The following DSP variants were observed in gnomAD, a reference collection of about 807,000 sequenced individuals.
DSP encodes the protein desmoplakin.
A neutral mutation model predicts 290.6 loss-of-function variants in DSP; 114 were observed. The ratio of observed to expected loss-of-function variants is 0.39; its 90% CI spans 0.34 to 0.46. The LOEUF (loss-of-function observed/expected upper bound fraction) is 0.46, where lower values mean the gene tolerates loss of function less well. DSP is among the 20% of genes least tolerant of loss of function. The pLI is 0.99. For synonymous variants in DSP, 1,311 were observed against 1,316.4 expected, an observed-to-expected ratio of 1.00 and a Z score of 0.09; for missense variants, 3,230 against 3,495.8, an observed-to-expected ratio of 0.92 and a Z score of 1.92.
In DSP at chr6:7,586,125, G is replaced by C; in HGVS notation, c.*247G>C. ...GAAGTGCTAATCAGTTGTAACAATA[G>C]CACAAATCGAACTTAGGATTTGTTT... On this transcript the variant is annotated 3_prime_UTR_variant, in exon 24 of 24. Coordinates refer to ENST00000379802, the MANE Select transcript of DSP (RefSeq NM_004415.4). The C allele has an allele frequency of 2.4e-6, 1 of 423,338 alleles. No individual in the cohort carries two copies. The highest frequency in any genetic ancestry group is 4.2e-6 in the Non-Finnish European group (1 of 239,416). The allele number at this position is 423,338 out of a possible 1,614,324, so 26.2% of individuals were successfully genotyped here.
Position 7,549,976 on chromosome 6 carries a change from TG to T in DSP, c.171-5741del, listed in dbSNP as rs113092897. ...ATGTCCCTCTTTGAAATATTTGTCT[TG>T]TTTTTTTGTGTTTTTTCTTTATCTT... On this transcript the variant is annotated intron_variant, in intron 1 of 23. Coordinates refer to ENST00000379802, the MANE Select transcript of DSP (RefSeq NM_004415.4). Among the ~76,000 whole-genome samples the T allele has an allele frequency of 6.0e-3, 914 of 152,204 alleles. 11 individuals are homozygous for T. The highest frequency in any genetic ancestry group is 0.019 in the African/African-American group (805 of 41,556).
rs1045706770 is a variant in DSP at position 7,565,877 on chromosome 6, T to C, written c.939+357T>C. 8.0e-6 allele frequency: 3 copies of C among 373,910 alleles called. No homozygotes were observed. Among genetic ancestry groups the C allele is most frequent in the Non-Finnish European group, 1.0e-5 (2 of 196,224 alleles). 23.2% of individuals were successfully genotyped at this position (373,910 alleles called of 1,614,324 possible). On this transcript the variant is annotated intron_variant, in intron 7 of 23. Transcript: ENST00000379802. The surrounding 1 kb of genome is among the most constrained non-coding windows in gnomAD (Gnocchi z 4.2). The stretch of plus-strand genomic sequence containing the variant: ...AGGATCAGGCAAGATAACTAATGGG[T>C]ACTAGGCTTAATCGTGGGTGATGAA...
intron 1 of DSP, among the ~76,000 whole-genome samples, chr6:7,551,317 A>G (rs1197177715): frequency 6.6e-6 from 1 of 152,172 alleles, no homozygotes; most frequent in Non-Finnish European, 1.5e-5. Context: ...GGTTTGAATT[A>G]CAGCTTTTAA....
At chr6:7,556,937 T>C (rs191131422) in intron 2 of DSP, among the ~76,000 whole-genome samples, 6 of 152,332 alleles carry the variant, frequency 3.9e-5, no homozygotes, top group African/African-American at 1.4e-4. Context: ...TCATTTGTAG[T>C]GACTATGGAT....
intron 1 of DSP, among the ~76,000 whole-genome samples, chr6:7,545,635 C>T (rs890432044): frequency 6.7e-6 from 1 of 148,922 alleles, no homozygotes; most frequent in African/African-American, 2.5e-5. Flanking sequence ...AGTGTAGGCC[C>T]TTCCAAGGAA....
Position 7,579,709 on chromosome 6 carries a change from G to A in DSP, c.3519G>A (p.Arg1173=). The change falls in exon 23 of 24, where the codon AGG becomes AGA. Residue 1173 remains arginine, a synonymous_variant. Transcript: ENST00000379802. This position sits in a 1 kb window ranked among gnomAD's most constrained non-coding sequence, Gnocchi z 4.1. ...AGGAGAAGGAGTACGAGATTGAAAG[G>A]TTGAGGGTTCTACTGCAGGAAGAAG... The part of the protein sequence containing the change: ...AIKEKEYEIE[R]LRVLLQEEGT... The A allele has an allele frequency of 6.2e-7, 1 of 1,613,730 alleles. No homozygotes were observed. Among genetic ancestry groups the A allele is most frequent in the Non-Finnish European group, 8.5e-7 (1 of 1,179,796 alleles).
intron 1 of DSP, among the ~76,000 whole-genome samples, chr6:7,542,939 G>A (rs1194607825): frequency 6.6e-6 from 1 of 152,100 alleles, no homozygotes; most frequent in African/African-American, 2.4e-5. Context: ...GGGCAGGGGA[G>A]TGGGGGGGTG....
intron 1 of DSP, among the ~76,000 whole-genome samples, chr6:7,543,931 G>A (rs572864473): frequency 4.6e-5 from 7 of 152,274 alleles, no homozygotes; most frequent in African/African-American, 1.7e-4. Flanking sequence ...ATTTTGGGCA[G>A]GCTCCATGTT....
At position 7,580,573 on chromosome 6, in the gene DSP, G is replaced by A. The variant is rs140029036; in HGVS notation, c.4383G>A (p.Glu1461=). The part of the protein sequence containing the change: ...LRQVTQMRTE[E]SVRYKQSLDD... ...AAGTCACTCAGATGCGAACAGAGGA[G>A]AGCGTAAGATATAAGCAATCTCTTG... Residue 1461 remains glutamate (E), a synonymous_variant, in exon 23 of 24, where the codon GAG becomes GAA. Coordinates refer to ENST00000379802, the MANE Select transcript of DSP (RefSeq NM_004415.4). This position sits in a 1 kb window ranked among gnomAD's most constrained non-coding sequence, Gnocchi z 4.2. 2.6e-3 allele frequency: 4,246 copies of A among 1,614,138 alleles called. 9 individuals are homozygous for A. The highest frequency in any genetic ancestry group is 3.3e-3 in the Non-Finnish European group (3,889 of 1,180,040).
rs747582734 is a variant in DSP, at chr6:7,580,860, C to T, written c.4670C>T (p.Thr1557Met). The T allele has an allele frequency of 1.1e-5, 17 of 1,614,008 alleles. No homozygotes were observed. The highest frequency in any genetic ancestry group is 1.6e-4 in the Middle Eastern group (1 of 6,084). ...AGGACTGTGAAGGACCAGGATATCACGCGGTTCCAGAACTCTCTGAAAGAG... is the reference window on the plus strand; with the variant it reads ...AGGACTGTGAAGGACCAGGATATCATGCGGTTCCAGAACTCTCTGAAAGAG... ...QERTVKDQDI[T>M]RFQNSLKELQ... Residue 1557 changes from threonine to methionine, a missense_variant, in exon 23 of 24, where the codon ACG (threonine) becomes ATG (methionine). Transcript: ENST00000379802. The surrounding 1 kb of genome is among the most constrained non-coding windows in gnomAD (Gnocchi z 4.2).
Position 7,565,854 on chromosome 6 carries a change from G to T in DSP, c.939+334G>T, listed in dbSNP as rs894106933. The T allele has an allele frequency of 4.8e-5, 19 of 394,996 alleles. No homozygotes were observed. The highest frequency in any genetic ancestry group is 7.7e-5 in the Non-Finnish European group (16 of 208,118). 24.5% of individuals were successfully genotyped at this position (394,996 alleles called of 1,614,324 possible). On this transcript the variant is annotated intron_variant, in intron 7 of 23. Coordinates refer to ENST00000379802, the MANE Select transcript of DSP (RefSeq NM_004415.4). The surrounding 1 kb of genome is among the most constrained non-coding windows in gnomAD (Gnocchi z 4.2). ...AGGGTGGAGGTGGAAGGAGGGAGAG[G>T]ATCAGGCAAGATAACTAATGGGTAC...
chr6:7,580,667 G>T lies in DSP; in HGVS notation c.4477G>T (p.Glu1493Ter). 1 of 1,614,018 alleles carries T rather than the reference G, an allele frequency of 6.2e-7. No individual in the cohort carries two copies. Among genetic ancestry groups the T allele is most frequent in the Non-Finnish European group, 8.5e-7 (1 of 1,180,018 alleles). ...AAGGTTAAAACAACTGATCGACAAA[G>T]AAACAAATGACCGGAAATGCCTGGA... ...IERLKQLIDK[E>*]TNDRKCLEDE... The change falls in exon 23 of 24, where the codon GAA (glutamate) becomes TAA (stop). Residue 1493 changes from glutamate (E) to a stop codon, truncating the protein, a stop_gained. Coordinates refer to ENST00000379802, the MANE Select transcript of DSP (RefSeq NM_004415.4). LOFTEE classifies it high-confidence loss of function. This position sits in a 1 kb window ranked among gnomAD's most constrained non-coding sequence, Gnocchi z 4.2.
intron 1 of DSP, 82 bp downstream of exon 1, chr6:7,542,167 C>G: frequency 1.3e-6 from 2 of 1,515,936 alleles, no homozygotes; most frequent in Non-Finnish European, 1.8e-6. Flanking sequence ...CTGGGAGACT[C>G]GGGTCCCGAA....
chr6:7,585,289 C>G lies in DSP; in HGVS notation c.8027C>G (p.Ser2676Cys). 6.2e-7 allele frequency: 1 copy of G among 1,614,140 alleles called. No individual in the cohort carries two copies. The highest frequency in any genetic ancestry group is 1.3e-5 in the African/African-American group (1 of 75,020). ...GQKLSLQDAV[S>C]QGVIDQDMAT... ...AAGCTGTCACTTCAGGACGCAGTCT[C>G]CCAGGGTGTGATTGACCAAGACATG... Residue 2676 changes from serine (S) to cysteine (C), a missense_variant, in exon 24 of 24, where the codon TCC (serine) becomes TGC (cysteine). This residue lies in a region of DSP where 582 missense variants were observed against 555.4 expected (regional missense o/e 1.05). Coordinates refer to ENST00000379802, the MANE Select transcript of DSP (RefSeq NM_004415.4).
chr6:7,571,129 T>C (rs1053452628), intron 13 of DSP, among the ~76,000 whole-genome samples: 23 of 151,762 alleles, frequency 1.5e-4, no homozygotes, highest in Admixed American at 1.0e-3. Flanking sequence ...CTGCTTTACA[T>C]TTAGGGCTTC....
chr6:7,570,706 G>A lies in DSP; in HGVS notation c.1701+143G>A. 3 of 1,157,696 alleles carry A rather than the reference G, an allele frequency of 2.6e-6. No individual in the cohort carries two copies. The South Asian group carries it at 4.2e-5, about 16-fold the overall frequency. The allele number at this position is 1,157,696 out of a possible 1,614,324, so 71.7% of individuals were successfully genotyped here. A position where few individuals can be genotyped will look rare whatever the true frequency, so the allele number is the denominator to read the frequency against. On this transcript the variant is annotated intron_variant, in intron 13 of 23. Transcript: ENST00000379802. ...CAAGTCAGCTCAGCCCTCCTTAGAG[G>A]TTCTGGTCTGTCCAATAGAGAACAG...
rs910514730 is a variant in DSP, at chr6:7,565,714, T to C, written c.939+194T>C. 4 of 667,792 alleles carry C rather than the reference T, an allele frequency of 6.0e-6. No individual in the cohort carries two copies. The highest frequency in any genetic ancestry group is 7.6e-6 in the Non-Finnish European group (3 of 397,112). 41.4% of individuals were successfully genotyped at this position (667,792 alleles called of 1,614,324 possible). The stretch of plus-strand genomic sequence containing the variant: ...GAGGCCATTATCCTTAGCAAACTTA[T>C]GCGGGAACAGAAAACCAAATACCAC... On this transcript the variant is annotated intron_variant, in intron 7 of 23. Transcript: ENST00000379802. This position sits in a 1 kb window ranked among gnomAD's most constrained non-coding sequence, Gnocchi z 4.2.
Position 7,565,872 on chromosome 6 carries a change from A to C in DSP, c.939+352A>C. 2.6e-6 allele frequency: 1 copy of C among 384,926 alleles called. No homozygotes were observed. Among genetic ancestry groups the C allele is most frequent in the Non-Finnish European group, 5.0e-6 (1 of 201,536 alleles). 23.8% of individuals were successfully genotyped at this position (384,926 alleles called of 1,614,324 possible). A position where few individuals can be genotyped will look rare whatever the true frequency, so the allele number is the denominator to read the frequency against. ...GGGAGAGGATCAGGCAAGATAACTAATGGGTACTAGGCTTAATCGTGGGTG... is the reference window on the plus strand; with the variant it reads ...GGGAGAGGATCAGGCAAGATAACTACTGGGTACTAGGCTTAATCGTGGGTG... On this transcript the variant is annotated intron_variant, in intron 7 of 23. Transcript: ENST00000379802. This position sits in a 1 kb window ranked among gnomAD's most constrained non-coding sequence, Gnocchi z 4.2.
rs1759630917 is a variant in DSP at position 7,585,528 on chromosome 6, A to G, written c.8266A>G (p.Ile2756Val). 6.2e-7 allele frequency: 1 copy of G among 1,614,224 alleles called. No homozygotes were observed. Among genetic ancestry groups the G allele is most frequent in the Non-Finnish European group, 8.5e-7 (1 of 1,180,048 alleles). Residue 2756 changes from isoleucine to valine, a missense_variant, in exon 24 of 24, where the codon ATA becomes GTA. This residue lies in a region of DSP where 582 missense variants were observed against 555.4 expected (regional missense o/e 1.05). Transcript: ENST00000379802. ...CGAAGAAGCCATCCGGAAGGGGTTC[A>G]TAGATGGCCGCGCCGCACAGAGGCT... Reference protein sequence around the residue: ...STEEAIRKGFIDGRAAQRLQD... With the variant: ...STEEAIRKGFVDGRAAQRLQD...
Sources: allele counts gnomAD v4.1 joint callset (sites outside exome capture counted in the v4.1 genomes callset), GRCh38; gene constraint gnomAD v4.1.1; regional missense constraint gnomAD v4.1.1; non-coding constraint Gnocchi (gnomAD v3.1); transcripts MANE v1.5; gene names NCBI Gene and HGNC (gene_info 2026-07-23, HGNC 2026-07-21).